CLINT1: variants seen among roughly 807,000 people sequenced by gnomAD.
The protein encoded by CLINT1 is clathrin interacting protein localized in the trans-Golgi region.
In CLINT1, 15 loss-of-function variants were observed where a neutral mutation model predicts 70.4. That is an observed-to-expected ratio of 0.21 (90% CI 0.14 to 0.33). CLINT1 has a LOEUF of 0.33. CLINT1 is among the 10% of genes least tolerant of loss of function. CLINT1 has a pLI of 1.00. For synonymous variants in CLINT1, 227 were observed against 254.7 expected, an observed-to-expected ratio of 0.89 and a Z score of 1.04; for missense variants, 615 against 778.1, an observed-to-expected ratio of 0.79 and a Z score of 2.49.
intron 1 of CLINT1, among the ~76,000 whole-genome samples, chr5:157,837,537 G>A (rs920393328): frequency 6.6e-6 from 1 of 151,984 alleles, no homozygotes; most frequent in Non-Finnish European, 1.5e-5. Flanking sequence ...TCAATTATGT[G>A]TTGTTATTTT....
At chr5:157,837,279 GT>G (rs1214645209) in intron 1 of CLINT1, among the ~76,000 whole-genome samples, 2 of 152,150 alleles carry the variant, frequency 1.3e-5, no homozygotes, top group Non-Finnish European at 2.9e-5. Flanking sequence ...GCCCACACCT[GT>G]GGTCTCAGCT....
chr5:157,847,312 T>G (rs191494645), intron 1 of CLINT1, among the ~76,000 whole-genome samples: 13 of 152,256 alleles, frequency 8.5e-5, no homozygotes, highest in African/African-American at 2.9e-4. Context: ...AAGGCTAGCC[T>G]CAGCAACATA....
At chr5:157,823,759 A>C (rs1467610798) in intron 1 of CLINT1, 1 of 832,912 alleles carries the variant, frequency 1.2e-6, no homozygotes, top group African/African-American at 1.9e-5. Flanking sequence ...TTAACATTGT[A>C]GAATAGGGGT....
chr5:157,852,847 ATAAT>A (rs2113337594), intron 1 of CLINT1, among the ~76,000 whole-genome samples: 1 of 152,364 alleles, frequency 6.6e-6, no homozygotes, highest in Admixed American at 6.5e-5. Context: ...ACAAACACAC[ATAAT>A]TAAGCTAAAC....
chr5:157,835,008 G>C (rs993473233), intron 1 of CLINT1, among the ~76,000 whole-genome samples: 1 of 152,136 alleles, frequency 6.6e-6, no homozygotes, highest in Admixed American at 6.5e-5. Context: ...AGCAAAAAAC[G>C]TGAGTTGTCC....
intron 1 of CLINT1, among the ~76,000 whole-genome samples, chr5:157,834,355 A>G (rs1294940712): frequency 6.7e-6 from 1 of 148,368 alleles, no homozygotes; most frequent in African/African-American, 2.6e-5. Flanking sequence ...CCTGGGCAAC[A>G]GAGCGATTAA....
intron 1 of CLINT1, among the ~76,000 whole-genome samples, chr5:157,839,719 AAATCTATCTATCTATC>A (rs1394406433): frequency 1.5e-5 from 2 of 129,622 alleles, no homozygotes; most frequent in Non-Finnish European, 3.3e-5. Context: ...ATTACAACAA[AAATCTATCTATCTATC>A]TATCTATCTA....
intron 1 of CLINT1, among the ~76,000 whole-genome samples, chr5:157,848,232 G>A (rs1753448467): frequency 6.6e-6 from 1 of 151,290 alleles, no homozygotes; most frequent in African/African-American, 2.4e-5. Context: ...AAGTAGCTGG[G>A]ACTACAGGGG....
chr5:157,790,416 G>C (rs1761866272), intron 10 of CLINT1: 1 of 287,784 alleles, frequency 3.5e-6, no homozygotes, highest in African/African-American at 2.2e-5. Context: ...AAGAAGCAGA[G>C]GTTCCTAGTG....
chr5:157,827,965 C>T (rs1763091923), intron 1 of CLINT1, among the ~76,000 whole-genome samples: 1 of 152,182 alleles, frequency 6.6e-6, no homozygotes, highest in Non-Finnish European at 1.5e-5. Context: ...TTGTCTCTGG[C>T]ATATACTACC....
rs537807970 is a variant in CLINT1 at position 157,850,583 on chromosome 5, C to G, written c.41+8347G>C. Reference sequence around the variant, plus strand: ...TCAAGATCGTGCATGCCACTGCGCTCCAGCCTGGGTACAAGTGAGACCCTG... The same window carrying G: ...TCAAGATCGTGCATGCCACTGCGCTGCAGCCTGGGTACAAGTGAGACCCTG... On this transcript the variant is annotated intron_variant, in intron 1 of 11. Transcript: ENST00000411809. Among the ~76,000 whole-genome samples, 16 of 138,650 alleles carry G rather than the reference C, an allele frequency of 1.2e-4. 1 individual carries two copies. Among genetic ancestry groups the G allele is most frequent in the Non-Finnish European group, 2.4e-4 (16 of 66,042 alleles). 91.0% of individuals were successfully genotyped at this position (138,650 alleles called of 152,430 possible).
intron 1 of CLINT1, among the ~76,000 whole-genome samples, chr5:157,856,244 C>G (rs76793455): frequency 6.6e-6 from 1 of 152,132 alleles, no homozygotes; most frequent in Non-Finnish European, 1.5e-5. Flanking sequence ...AACTATTTTT[C>G]CTTGATGGAA....
intron 1 of CLINT1, among the ~76,000 whole-genome samples, chr5:157,841,671 A>G (rs1414919725): frequency 6.6e-6 from 1 of 152,144 alleles, no homozygotes; most frequent in African/African-American, 2.4e-5. Context: ...GTCCAGGTGG[A>G]GTGCAGTGGC....
In CLINT1 at chr5:157,845,853, C is replaced by T. The variant is rs564732086; in HGVS notation, c.41+13077G>A. 3.9e-5 allele frequency among the ~76,000 whole-genome samples: 6 copies of T among 152,292 alleles called. No individual in the cohort carries two copies. In the South Asian group the frequency reaches 1.0e-3, roughly 26 times the overall value. Reference sequence around the variant, plus strand: ...ACAGGCGTAAGCCACCATGCCCGGCCGCATTTTAGTAATTCTTACAATATT... The same window carrying T: ...ACAGGCGTAAGCCACCATGCCCGGCTGCATTTTAGTAATTCTTACAATATT... On this transcript the variant is annotated intron_variant, in intron 1 of 11. Transcript: ENST00000411809.
At chr5:157,800,818 T>C (rs1384595636) in intron 8 of CLINT1, among the ~76,000 whole-genome samples, 1 of 152,140 alleles carries the variant, frequency 6.6e-6, no homozygotes, top group Non-Finnish European at 1.5e-5. Context: ...AAAGGAAGCA[T>C]GTTGGTATTT....
At position 157,787,595 on chromosome 5, in the gene CLINT1, C is replaced by A; in HGVS notation, c.*51G>T. ...TTAGCATTTTCCATCCCAACATCAC[C>A]TATCTGCACAGCTAAAAATTCTTCA... On this transcript the variant is annotated 3_prime_UTR_variant, in exon 12 of 12. Transcript: ENST00000411809. 6.9e-7 allele frequency: 1 copy of A among 1,441,264 alleles called. No homozygotes were observed. Among genetic ancestry groups the A allele is most frequent in the Non-Finnish European group, 9.6e-7 (1 of 1,036,294 alleles). 89.3% of individuals were successfully genotyped at this position (1,441,264 alleles called of 1,614,324 possible). A position where few individuals can be genotyped will look rare whatever the true frequency, so the allele number is the denominator to read the frequency against.
intron 8 of CLINT1, among the ~76,000 whole-genome samples, chr5:157,801,688 C>A (rs1762227367): frequency 6.6e-6 from 1 of 152,012 alleles, no homozygotes; most frequent in South Asian, 2.1e-4. Context: ...CAAAAATTAG[C>A]CAGGCATGGT....
chr5:157,802,542 CT>C (rs199598702), intron 8 of CLINT1, among the ~76,000 whole-genome samples: 18,392 of 137,148 alleles, frequency 0.13, 1,400 homozygotes, highest in African/African-American at 0.24. Context: ...GTAGCCCTCT[CT>C]TTTTTTTTTT....
At chr5:157,824,688 A>G (rs1479917452) in intron 1 of CLINT1, among the ~76,000 whole-genome samples, 1 of 152,212 alleles carries the variant, frequency 6.6e-6, no homozygotes, top group African/African-American at 2.4e-5. Context: ...AATAAAATAA[A>G]GTTTGGAAAA....
Sources: allele counts gnomAD v4.1 joint callset (sites outside exome capture counted in the v4.1 genomes callset), GRCh38; gene constraint gnomAD v4.1.1; transcripts MANE v1.5; gene names NCBI Gene and HGNC (gene_info 2026-07-23, HGNC 2026-07-21).